The following WDR27 variants were observed in gnomAD, a reference collection of about 807,000 sequenced individuals.
WDR27 encodes WD repeat domain 27.
In WDR27, 100 loss-of-function variants were observed where a neutral mutation model predicts 114.4. The ratio of observed to expected loss-of-function variants is 0.87; its 90% confidence interval spans 0.74 to 1.03. The LOEUF (loss-of-function observed/expected upper bound fraction) is 1.03, where lower values mean the gene tolerates loss of function less well. Among genes scored for constraint, WDR27 ranks in the 50% least tolerant of loss-of-function variants. The pLI is 0.00. For missense variants in WDR27, 1,129 were observed against 1,092.9 expected (o/e 1.03, Z -0.47); for synonymous variants, 449 against 423.1 (o/e 1.06, Z -0.75).
intron 25 of WDR27, among the ~76,000 whole-genome samples, chr6:169,464,121 A>G (rs1013897375): frequency 6.6e-6 from 1 of 152,242 alleles, no homozygotes; most frequent in Non-Finnish European, 1.5e-5. Flanking sequence ...TTCTGATTTC[A>G]AAACTTACTA....
intron 22 of WDR27, among the ~76,000 whole-genome samples, chr6:169,608,040 T>C (rs762110113): frequency 4.0e-5 from 6 of 151,526 alleles, no homozygotes; most frequent in Non-Finnish European, 8.8e-5. Context: ...ATGTATAGCA[T>C]GCAACTGTAC....
At chr6:169,641,834 A>C (rs979755418) in intron 17 of WDR27, among the ~76,000 whole-genome samples, 6 of 152,264 alleles carry the variant, frequency 3.9e-5, no homozygotes, top group Admixed American at 6.5e-5. Context: ...CGCTAGCTCC[A>C]GGGCGCGTCA....
intron 25 of WDR27, among the ~76,000 whole-genome samples, chr6:169,520,793 G>C (rs1044451241): frequency 2.0e-5 from 3 of 151,896 alleles, no homozygotes; most frequent in Non-Finnish European, 4.4e-5. Context: ...GCAGAGGAAA[G>C]AATCAGTGAG....
the WDR27 span, among the ~76,000 whole-genome samples, chr6:169,436,609 T>C: frequency 6.6e-6 from 1 of 152,218 alleles, no homozygotes; most frequent in South Asian, 2.1e-4. Context: ...GTATGTGTAA[T>C]TGTTAAAAAT....
At chr6:169,532,094 A>G (rs1310152369) in intron 25 of WDR27, among the ~76,000 whole-genome samples, 1 of 152,208 alleles carries the variant, frequency 6.6e-6, no homozygotes, top group Non-Finnish European at 1.5e-5. Context: ...CAAATTATAT[A>G]CTTATCATTG....
At chr6:169,638,390 C>A in intron 18 of WDR27, 149 bp downstream of exon 18, 8 of 580,926 alleles carry the variant, frequency 1.4e-5, no homozygotes, top group Admixed American at 4.4e-5. Context: ...GAAGCAATAA[C>A]TTTTAATCAG....
chr6:169,679,938 T>C (rs1225026286), intron 2 of WDR27, among the ~76,000 whole-genome samples: 1 of 152,146 alleles, frequency 6.6e-6, no homozygotes, highest in African/African-American at 2.4e-5. Context: ...ATATAACCCA[T>C]TGTATACATG....
At chr6:169,484,565 A>C (rs1788636413) in intron 25 of WDR27, among the ~76,000 whole-genome samples, 1 of 152,246 alleles carries the variant, frequency 6.6e-6, no homozygotes, top group Non-Finnish European at 1.5e-5. Flanking sequence ...ATGGATAGGA[A>C]GAATCAATAT....
At chr6:169,610,446 A>G (rs564741703) in intron 22 of WDR27, among the ~76,000 whole-genome samples, 1 of 152,334 alleles carries the variant, frequency 6.6e-6, no homozygotes, top group East Asian at 1.9e-4. Flanking sequence ...GCAGCAGGGT[A>G]AAGACAAAAT....
chr6:169,556,719 G>A lies in WDR27; in HGVS notation c.2645+15700C>T, dbSNP rs191896020. On this transcript the variant is annotated intron_variant, in intron 25 of 25. Coordinates refer to ENST00000448612, the MANE Select transcript of WDR27 (RefSeq NM_182552.5). ...GGGGAAATACTGCAATACCTGTCTAGAGCTGAGAATACATTAAAAAAGAAA... is the reference window on the plus strand; with the variant it reads ...GGGGAAATACTGCAATACCTGTCTAAAGCTGAGAATACATTAAAAAAGAAA... Among the ~76,000 whole-genome samples, 7 of 152,268 alleles carry A rather than the reference G, an allele frequency of 4.6e-5. No homozygotes were observed. The East Asian group carries it at 9.6e-4, about 21-fold the overall frequency.
At chr6:169,612,456 C>CAAA (rs1237873258) in intron 22 of WDR27, among the ~76,000 whole-genome samples, 5 of 150,544 alleles carry the variant, frequency 3.3e-5, no homozygotes, top group Admixed American at 2.6e-4. Flanking sequence ...AACAAACAAA[C>CAAA]AAAAAATTAG....
rs545930527 is a variant in WDR27 at position 169,531,935 on chromosome 6, A to T, written c.2645+40484T>A. Among the ~76,000 whole-genome samples, 10 of 152,292 alleles carry T rather than the reference A, an allele frequency of 6.6e-5. No individual in the cohort carries two copies. The East Asian group carries it at 1.5e-3, about 24-fold the overall frequency. ...TCCATGTAGCTTTGTCTTTGGATGTAACCAGTGTGATGTGTTAATTACTAC... is the reference window on the plus strand; with the variant it reads ...TCCATGTAGCTTTGTCTTTGGATGTTACCAGTGTGATGTGTTAATTACTAC... On this transcript the variant is annotated intron_variant, in intron 25 of 25. Coordinates refer to ENST00000448612, the MANE Select transcript of WDR27 (RefSeq NM_182552.5).
At chr6:169,520,446 T>C (rs1162626838) in intron 25 of WDR27, among the ~76,000 whole-genome samples, 2 of 152,058 alleles carry the variant, frequency 1.3e-5, no homozygotes, top group Non-Finnish European at 2.9e-5. Context: ...ACAAACCAGA[T>C]AGAGAATACT....
chr6:169,523,122 C>G (rs1794585973), intron 25 of WDR27, among the ~76,000 whole-genome samples: 1 of 151,806 alleles, frequency 6.6e-6, no homozygotes, highest in South Asian at 2.1e-4. Context: ...CAACTGGGAC[C>G]ACAGAAATAC....
intron 22 of WDR27, among the ~76,000 whole-genome samples, chr6:169,603,221 A>T (rs1808406965): frequency 6.6e-6 from 1 of 151,900 alleles, no homozygotes; most frequent in Non-Finnish European, 1.5e-5. Flanking sequence ...GCAATGGCCA[A>T]GATAATTCTG....
chr6:169,641,324 C>T (rs867340403), intron 17 of WDR27, among the ~76,000 whole-genome samples: 2 of 148,884 alleles, frequency 1.3e-5, no homozygotes, highest in Non-Finnish European at 3.0e-5. Flanking sequence ...GCCGGGCCCT[C>T]GGGAGCCAAT....
intron 25 of WDR27, among the ~76,000 whole-genome samples, chr6:169,552,707 C>A (rs1798316363): frequency 6.6e-6 from 1 of 152,224 alleles, no homozygotes; most frequent in South Asian, 2.1e-4. Context: ...CCCTCACTAT[C>A]TTCTAATATC....
At chr6:169,632,381 T>G (rs925638629) in intron 21 of WDR27, among the ~76,000 whole-genome samples, 1 of 152,170 alleles carries the variant, frequency 6.6e-6, no homozygotes, top group Non-Finnish European at 1.5e-5. Context: ...AAATTGCAGT[T>G]TTAGTCCTAA....
intron 21 of WDR27, among the ~76,000 whole-genome samples, chr6:169,617,842 GT>G (rs1239417894): frequency 6.6e-6 from 1 of 152,166 alleles, no homozygotes; most frequent in Non-Finnish European, 1.5e-5. Context: ...CAGTATTCGC[GT>G]TTACAAGCTT....
Sources: gnomAD v4.1 joint callset for allele counts (sites outside exome capture counted in the v4.1 genomes callset) on GRCh38, gnomAD v4.1.1 for gene constraint, MANE v1.5 for transcripts, NCBI Gene and HGNC (gene_info 2026-07-23, HGNC 2026-07-21) for gene names.